Variants in REC114 observed in about 807,000 individuals in gnomAD.
The protein encoded by REC114 is meiotic recombination protein REC114.
REC114 carries 27 observed loss-of-function variants against 31.3 expected under a neutral mutation model. The ratio of observed to expected loss-of-function variants is 0.86; its 90% CI spans 0.64 to 1.19. The LOEUF is 1.19. REC114 is among the 50% of genes most tolerant of loss of function. The pLI, the probability that REC114 is intolerant of heterozygous loss-of-function variation, is 0.00. For missense variants in REC114, 344 were observed against 326.9 expected, an observed-to-expected ratio of 1.05 and a Z score of -0.40; for synonymous variants, 134 against 127.7, an observed-to-expected ratio of 1.05 and a Z score of -0.33.
rs143083238 is a variant in REC114, at chr15:73,479,877, T to G, written c.249+5956T>G. Among the ~76,000 whole-genome samples the G allele has an allele frequency of 3.6e-3, 543 of 152,334 alleles. 9 individuals carry two copies. Among genetic ancestry groups the G allele is most frequent in the Admixed American group, 0.029 (443 of 15,300 alleles). On this transcript the variant is annotated intron_variant, in intron 2 of 5. Coordinates refer to ENST00000331090, the MANE Select transcript of REC114 (RefSeq NM_001042367.2). Reference sequence around the variant, plus strand: ...GTTATTTCTGTATCTCGACTATTGTTAATAATGCTGCAGTGAATGTGGAGT... The same window carrying G: ...GTTATTTCTGTATCTCGACTATTGTGAATAATGCTGCAGTGAATGTGGAGT...
rs1196388501 is a variant in REC114 at position 73,559,792 on chromosome 15, A to AATCT, written c.678_681dup (p.Ala228IlefsTer48). On this transcript the variant is annotated frameshift_variant, in exon 6 of 6. Transcript: ENST00000331090. LOFTEE classifies it high-confidence loss of function. ...GAGGAGCTGCCCCATGTCTATGAAC[A>AATCT]ATCTGCATGGGGTGCAGAAGAGTTA... 6.2e-7 allele frequency: 1 copy of AATCT among 1,608,800 alleles called. No individual in the cohort carries two copies. The highest frequency in any genetic ancestry group is 8.5e-7 in the Non-Finnish European group (1 of 1,178,490).
chr15:73,486,200 C>T (rs1312024898), intron 2 of REC114, among the ~76,000 whole-genome samples: 5 of 152,116 alleles, frequency 3.3e-5, no homozygotes, highest in African/African-American at 1.2e-4. Context: ...TGGGTTCAAG[C>T]GATTCTCCTG....
At chr15:73,464,810 A>G (rs1893035872) in intron 1 of REC114, among the ~76,000 whole-genome samples, 1 of 152,178 alleles carries the variant, frequency 6.6e-6, no homozygotes, top group Admixed American at 6.5e-5. Context: ...TGTAGGGGGA[A>G]AACGTCCTAC....
intron 2 of REC114, among the ~76,000 whole-genome samples, chr15:73,522,481 A>G (rs1179606691): frequency 2.0e-5 from 3 of 151,944 alleles, no homozygotes; most frequent in Non-Finnish European, 4.4e-5. Context: ...ACATTGATCT[A>G]TCTGCTTTCC....
At chr15:73,526,591 C>G (rs947235236) in intron 2 of REC114, among the ~76,000 whole-genome samples, 32 of 152,222 alleles carry the variant, frequency 2.1e-4, no homozygotes, top group African/African-American at 6.5e-4. Flanking sequence ...CAATAGTGTA[C>G]TTCCATTTGT....
At chr15:73,462,092 C>T (rs980399135) in intron 1 of REC114, among the ~76,000 whole-genome samples, 3 of 151,478 alleles carry the variant, frequency 2.0e-5, no homozygotes, top group East Asian at 1.9e-4. Context: ...CCACCATGCC[C>T]GGCTAATTTT....
chr15:73,508,217 T>C (rs186035863), intron 2 of REC114, among the ~76,000 whole-genome samples: 34 of 152,278 alleles, frequency 2.2e-4, no homozygotes, highest in Admixed American at 2.1e-3. Flanking sequence ...AGTAAATAGA[T>C]AGTAATCAAA....
intron 2 of REC114, among the ~76,000 whole-genome samples, chr15:73,531,996 TTTA>T (rs577102350): frequency 0.047 from 7,000 of 150,450 alleles, 171 homozygotes; most frequent in South Asian, 0.09. Flanking sequence ...TTTTTTTTTT[TTTA>T]ATACTTTAAG....
intron 2 of REC114, among the ~76,000 whole-genome samples, chr15:73,482,444 C>G (rs1332724867): frequency 6.6e-6 from 1 of 152,188 alleles, no homozygotes; most frequent in African/African-American, 2.4e-5. Flanking sequence ...TCCGAGGCCT[C>G]ACCAGAAGCT....
chr15:73,476,747 G>A (rs1400423309), intron 2 of REC114, among the ~76,000 whole-genome samples: 1 of 152,086 alleles, frequency 6.6e-6, no homozygotes, highest in Admixed American at 6.6e-5. Context: ...ATATTCCATT[G>A]CATAGGTAAA....
At chr15:73,495,225 C>T (rs1893502407) in intron 2 of REC114, among the ~76,000 whole-genome samples, 1 of 151,934 alleles carries the variant, frequency 6.6e-6, no homozygotes, top group Non-Finnish European at 1.5e-5. Context: ...ACTGCCTTTC[C>T]CACCCTTCTT....
At chr15:73,495,924 C>T (rs1893515779) in intron 2 of REC114, among the ~76,000 whole-genome samples, 1 of 152,028 alleles carries the variant, frequency 6.6e-6, no homozygotes, top group African/African-American at 2.4e-5. Flanking sequence ...ATATTTAATC[C>T]TTCAGTGGAC....
rs1278866262 is a variant in REC114, at chr15:73,557,937, T to TA, written c.636+1547dup. 5.3e-5 allele frequency among the ~76,000 whole-genome samples: 8 copies of TA among 152,218 alleles called. No homozygotes were observed. The East Asian group carries it at 1.5e-3, about 29-fold the overall frequency. On this transcript the variant is annotated intron_variant, in intron 5 of 5. Transcript: ENST00000331090. The stretch of plus-strand genomic sequence containing the variant: ...TATAATTTCATTTCAACTACACAAA[T>TA]ATACATATGTTCATCACAATGCTTA...
At chr15:73,464,603 A>G (rs1462267910) in intron 1 of REC114, among the ~76,000 whole-genome samples, 3 of 152,024 alleles carry the variant, frequency 2.0e-5, no homozygotes, top group Non-Finnish European at 4.4e-5. Flanking sequence ...TCCTGTAGAG[A>G]AGTAGGAAGG....
intron 4 of REC114, among the ~76,000 whole-genome samples, chr15:73,555,213 C>A (rs1241234984): frequency 1.3e-5 from 2 of 152,168 alleles, no homozygotes; most frequent in African/African-American, 4.8e-5. Context: ...AGACTTGTTG[C>A]TGAAGGACAG....
rs145648281 is a variant in REC114 at position 73,477,989 on chromosome 15, C to T, written c.249+4068C>T. Among the ~76,000 whole-genome samples the T allele has an allele frequency of 8.9e-3, 1,346 of 152,016 alleles. 9 individuals are homozygous for T. The highest frequency in any genetic ancestry group is 0.012 in the Non-Finnish European group (800 of 67,984). ...TAAGAATTTGGGTTTATTGGCCGGG[C>T]GTGGTGGCTCACGCCTGTAATCCCA... On this transcript the variant is annotated intron_variant, in intron 2 of 5. Coordinates refer to ENST00000331090, the MANE Select transcript of REC114 (RefSeq NM_001042367.2).
intron 2 of REC114, among the ~76,000 whole-genome samples, chr15:73,488,601 C>A (rs1337621357): frequency 6.6e-6 from 1 of 152,212 alleles, no homozygotes; most frequent in African/African-American, 2.4e-5. Context: ...CAACCAAGTT[C>A]TTTGCCATTG....
intron 3 of REC114, among the ~76,000 whole-genome samples, chr15:73,549,539 G>A (rs1424833306): frequency 1.3e-5 from 2 of 152,148 alleles, no homozygotes; most frequent in Non-Finnish European, 2.9e-5. Context: ...CATTTTCCAT[G>A]ATGTGATTAT....
chr15:73,459,816 C>T (rs920250380), intron 1 of REC114, among the ~76,000 whole-genome samples: 1 of 152,102 alleles, frequency 6.6e-6, no homozygotes, highest in Non-Finnish European at 1.5e-5. Context: ...TAGCCTAGGT[C>T]CTACAGTGAA....
Sources: allele counts gnomAD v4.1 joint callset (sites outside exome capture counted in the v4.1 genomes callset), GRCh38; gene constraint gnomAD v4.1.1; transcripts MANE v1.5; gene names NCBI Gene and HGNC (gene_info 2026-07-23, HGNC 2026-07-21).